Variants in RUNX2 observed in about 807,000 individuals in gnomAD.
The protein encoded by RUNX2 is RUNX family transcription factor 2, also known as runt-related transcription factor 2.
In RUNX2, 10 loss-of-function variants were observed where a neutral mutation model predicts 51.7. That is an observed-to-expected ratio of 0.19 (90% CI 0.12 to 0.33). RUNX2 has a LOEUF of 0.33. RUNX2 is among the 10% of genes least tolerant of loss of function. The pLI is 1.00. For synonymous variants in RUNX2, 276 were observed against 273.6 expected (o/e 1.01, Z -0.09); for missense variants, 562 against 691.3 (o/e 0.81, Z 2.10).
Position 45,375,780 on chromosome 6 carries a change from GTTCT to G in RUNX2, c.59-46810_59-46807del, listed in dbSNP as rs201573859. Among the ~76,000 whole-genome samples, 1,090 of 150,532 alleles carry G rather than the reference GTTCT, an allele frequency of 7.2e-3. 17 individuals carry two copies. Among genetic ancestry groups the G allele is most frequent in the African/African-American group, 0.025 (1,039 of 40,998 alleles). On this transcript the variant is annotated intron_variant, in intron 2 of 8. Coordinates refer to ENST00000647337, the MANE Select transcript of RUNX2 (RefSeq NM_001024630.4). ...CGCTACCTATAAAGGTTTTTTATTT[GTTCT>G]TTTAGTTTTATTTTCAAATTTGACT...
At chr6:45,500,092 G>A (rs2150412434) in intron 6 of RUNX2, among the ~76,000 whole-genome samples, 1 of 152,246 alleles carries the variant, frequency 6.6e-6, no homozygotes, top group Admixed American at 6.5e-5. Context: ...GGGTAACCCA[G>A]CAGAGGGGCA....
intron 5 of RUNX2, among the ~76,000 whole-genome samples, chr6:45,481,777 A>G (rs1800122623): frequency 6.6e-6 from 1 of 152,212 alleles, no homozygotes; most frequent in Non-Finnish European, 1.5e-5. Flanking sequence ...AAGGAGGCTC[A>G]GGCAGTTTAG....
At chr6:45,357,442 T>C (rs1793443697) in intron 2 of RUNX2, among the ~76,000 whole-genome samples, 2 of 142,200 alleles carry the variant, frequency 1.4e-5, no homozygotes, top group African/African-American at 4.9e-5. Context: ...GTGATCCTCC[T>C]GCCTCAGCCT....
chr6:45,547,181 C>T lies in RUNX2; in HGVS notation c.1442C>T (p.Thr481Met), dbSNP rs780973109. ...TGCACCACCACCTCGAATGGCAGCA[C>T]GCTATTAAATCCAAATTTGCCTAAC... is the stretch of plus-strand genomic sequence containing the variant. ...PPCTTTSNGS[T>M]LLNPNLPNQN... is the part of the protein sequence containing the mutation. Residue 481 changes from threonine (T) to methionine (M), a missense_variant, in exon 9 of 9, where the codon ACG (threonine) becomes ATG (methionine). This residue lies in a region of RUNX2 where 304 missense variants were observed against 353.2 expected (regional missense o/e 0.86). Transcript: ENST00000647337. 2.0e-5 allele frequency: 32 copies of T among 1,614,014 alleles called. No homozygotes were observed. The highest frequency in any genetic ancestry group is 4.5e-5 in the East Asian group (2 of 44,894).
intron 5 of RUNX2, among the ~76,000 whole-genome samples, chr6:45,447,467 T>C (rs1022279165): frequency 6.6e-6 from 1 of 152,224 alleles, no homozygotes; most frequent in African/African-American, 2.4e-5. Context: ...CTCTATTGGT[T>C]TGCAAGTTAT....
chr6:45,375,457 A>G (rs1366720853), intron 2 of RUNX2, among the ~76,000 whole-genome samples: 2 of 152,226 alleles, frequency 1.3e-5, no homozygotes, highest in Non-Finnish European at 2.9e-5. Flanking sequence ...TTTGTATATT[A>G]TGAGCTATTC....
intron 7 of RUNX2, among the ~76,000 whole-genome samples, chr6:45,529,619 T>G (rs534706809): frequency 6.6e-6 from 1 of 152,184 alleles, no homozygotes; most frequent in South Asian, 2.1e-4. Flanking sequence ...TTAGGCTTAT[T>G]GCATTCCCTT....
intron 6 of RUNX2, among the ~76,000 whole-genome samples, chr6:45,493,214 T>C (rs1263497848): frequency 6.6e-6 from 1 of 152,202 alleles, no homozygotes; most frequent in Non-Finnish European, 1.5e-5. Context: ...CATGAGTGTA[T>C]ATTTTAAAAA....
intron 2 of RUNX2, among the ~76,000 whole-genome samples, chr6:45,400,185 A>T (rs62400349): frequency 0.18 from 25,214 of 138,790 alleles, 2,663 homozygotes; most frequent in Non-Finnish European, 0.26. Flanking sequence ...GAAGGAGGGA[A>T]TGAGGGAAGG....
At chr6:45,518,400 T>C (rs1180546467) in intron 7 of RUNX2, among the ~76,000 whole-genome samples, 1 of 152,218 alleles carries the variant, frequency 6.6e-6, no homozygotes, top group Non-Finnish European at 1.5e-5. Context: ...AAAAATAGCC[T>C]ATCTTTTGAC....
intron 7 of RUNX2, among the ~76,000 whole-genome samples, chr6:45,519,195 G>A (rs1039215861): frequency 2.6e-5 from 4 of 152,078 alleles, no homozygotes; most frequent in African/African-American, 7.2e-5. Flanking sequence ...AAATGCATGC[G>A]ACATTATTAC....
chr6:45,549,535 T>C lies in RUNX2; in HGVS notation c.*2230T>C. The C allele has an allele frequency of 2.5e-6, 1 of 397,000 alleles. No homozygotes were observed. The highest frequency in any genetic ancestry group is 3.6e-5 in the East Asian group (1 of 28,034). 24.6% of individuals were successfully genotyped at this position (397,000 alleles called of 1,614,324 possible). On this transcript the variant is annotated 3_prime_UTR_variant, in exon 9 of 9. Coordinates refer to ENST00000647337, the MANE Select transcript of RUNX2 (RefSeq NM_001024630.4). Reference sequence around the variant, plus strand: ...TAAGTAAGAAGGAAGTAGTAATTGATACTATTTATTGTTTGTGTGTGGTAG... The same window carrying C: ...TAAGTAAGAAGGAAGTAGTAATTGACACTATTTATTGTTTGTGTGTGGTAG...
At chr6:45,444,406 C>T (rs1798934758) in intron 5 of RUNX2, among the ~76,000 whole-genome samples, 1 of 152,182 alleles carries the variant, frequency 6.6e-6, no homozygotes, top group African/African-American at 2.4e-5. Flanking sequence ...GAAGCTCTGC[C>T]TTTTTCCCTC....
chr6:45,486,173 A>G (rs2150403555), intron 5 of RUNX2, among the ~76,000 whole-genome samples: 1 of 152,262 alleles, frequency 6.6e-6, no homozygotes, highest in African/African-American at 2.4e-5. Flanking sequence ...ATATTTAAAA[A>G]CAGTTCATAT....
At chr6:45,458,112 C>T (rs1371875186) in intron 5 of RUNX2, among the ~76,000 whole-genome samples, 13 of 150,820 alleles carry the variant, frequency 8.6e-5, no homozygotes, top group Admixed American at 1.3e-4. Context: ...CTGCAGCCTC[C>T]GCCTCCTGGG....
chr6:45,486,890 C>T (rs1300228892), intron 5 of RUNX2, among the ~76,000 whole-genome samples: 1 of 152,116 alleles, frequency 6.6e-6, no homozygotes, highest in Admixed American at 6.5e-5. Flanking sequence ...TCAGAGTCTT[C>T]GTGTGCCAGT....
intron 5 of RUNX2, among the ~76,000 whole-genome samples, chr6:45,462,941 C>A (rs929509858): frequency 6.6e-6 from 1 of 152,138 alleles, no homozygotes; most frequent in Non-Finnish European, 1.5e-5. Context: ...TTGTCTAACC[C>A]CAGAGTTCTG....
chr6:45,470,129 C>G (rs1019500655), intron 5 of RUNX2, among the ~76,000 whole-genome samples: 1 of 152,100 alleles, frequency 6.6e-6, no homozygotes, highest in Non-Finnish European at 1.5e-5. Context: ...AATAATTAGT[C>G]GAACCATAGG....
chr6:45,409,277 C>T (rs1797901845), intron 2 of RUNX2, among the ~76,000 whole-genome samples: 1 of 152,140 alleles, frequency 6.6e-6, no homozygotes, highest in Non-Finnish European at 1.5e-5. Context: ...CTCTGCACAT[C>T]CTAAAAGAGT....
Sources: gnomAD v4.1 joint callset for allele counts (sites outside exome capture counted in the v4.1 genomes callset) on GRCh38, gnomAD v4.1.1 for gene constraint, gnomAD v4.1.1 regional missense constraint, MANE v1.5 for transcripts, NCBI Gene and HGNC (gene_info 2026-07-23, HGNC 2026-07-21) for gene names.